The following CTNNBL1 variants were observed in gnomAD, a reference collection of about 807,000 sequenced individuals.
CTNNBL1 encodes beta-catenin-like protein 1.
Under a neutral mutation model 72.7 loss-of-function variants are expected in CTNNBL1, and 31 were observed. The ratio of observed to expected loss-of-function variants is 0.43; its 90% CI spans 0.32 to 0.58. The LOEUF is 0.58. Among genes scored for constraint, CTNNBL1 ranks in the 20% least tolerant of loss-of-function variants. The probability of loss-of-function intolerance (pLI) is 0.08; values close to 1 mark genes in which losing one functional copy is unlikely to be tolerated. For missense variants in CTNNBL1, 534 were observed against 725.1 expected (o/e 0.74, Z 3.03); for synonymous variants, 240 against 267.3 (o/e 0.90, Z 1.00).
chr20:37,725,357 C>T (rs1362090925), intron 1 of CTNNBL1, among the ~76,000 whole-genome samples: 3 of 151,364 alleles, frequency 2.0e-5, no homozygotes, highest in Non-Finnish European at 4.4e-5. Flanking sequence ...AGTGCAATGG[C>T]GCAATCTCAG....
chr20:37,712,210 G>A (rs2072944407), intron 1 of CTNNBL1, among the ~76,000 whole-genome samples: 1 of 152,196 alleles, frequency 6.6e-6, no homozygotes, highest in African/African-American at 2.4e-5. Context: ...CGCTCTCCTT[G>A]TGCCAGGCTT....
chr20:37,755,773 T>C (rs1302704581), intron 4 of CTNNBL1, among the ~76,000 whole-genome samples: 1 of 152,190 alleles, frequency 6.6e-6, no homozygotes, highest in African/African-American at 2.4e-5. Flanking sequence ...ATCTTCTGGA[T>C]TCTGTTGTAT....
chr20:37,788,837 T>C (rs537290763), intron 10 of CTNNBL1, among the ~76,000 whole-genome samples: 1 of 152,370 alleles, frequency 6.6e-6, no homozygotes, highest in South Asian at 2.1e-4. Context: ...TGTGAAGCAC[T>C]ATTACCTACT....
intron 11 of CTNNBL1, among the ~76,000 whole-genome samples, chr20:37,830,929 A>G (rs941182996): frequency 3.3e-4 from 51 of 152,332 alleles, no homozygotes; most frequent in African/African-American, 1.2e-3. Context: ...TGCATATTGC[A>G]TTTGCACCAT....
intron 11 of CTNNBL1, among the ~76,000 whole-genome samples, chr20:37,838,780 A>C (rs2072276513): frequency 6.6e-6 from 1 of 152,156 alleles, no homozygotes; most frequent in Non-Finnish European, 1.5e-5. Context: ...CCAGCTACTC[A>C]GGAGGCTGAG....
intron 11 of CTNNBL1, among the ~76,000 whole-genome samples, chr20:37,807,788 G>C (rs191085591): frequency 1.6e-3 from 251 of 152,290 alleles, no homozygotes; most frequent in Non-Finnish European, 2.9e-3. Context: ...GGAAAGAAAT[G>C]ATTTGCCCTT....
At chr20:37,771,697 A>C (rs1260307568) in intron 7 of CTNNBL1, among the ~76,000 whole-genome samples, 2 of 151,964 alleles carry the variant, frequency 1.3e-5, no homozygotes, top group African/African-American at 4.8e-5. Context: ...CGTATTTCTA[A>C]ATTTTACACA....
rs777949416 is a variant in CTNNBL1 at position 37,842,419 on chromosome 20, C to T, written c.1392C>T (p.His464=). The change falls in exon 13 of 16, where the codon CAC becomes CAT. Residue 464 remains histidine, a splice_region_variant and synonymous_variant. Transcript: ENST00000361383. ...VADKKIEGEK[H]DMVRRGEIID... Reference sequence around the variant, plus strand: ...ACAAGAAGATTGAAGGGGAAAAACACGTATGTATCCCTGCCTCACTTTTGC... The same window carrying T: ...ACAAGAAGATTGAAGGGGAAAAACATGTATGTATCCCTGCCTCACTTTTGC... 23 of 1,609,952 alleles carry T rather than the reference C, an allele frequency of 1.4e-5. No individual in the cohort carries two copies. The East Asian group carries it at 2.0e-4, about 14-fold the overall frequency.
chr20:37,783,693 G>GT (rs1267935148), intron 10 of CTNNBL1, among the ~76,000 whole-genome samples: 7 of 152,004 alleles, frequency 4.6e-5, no homozygotes, highest in African/African-American at 1.7e-4. Context: ...TTGATTTCTA[G>GT]TTTTTTTCCA....
At chr20:37,779,737 C>T (rs760939744) in intron 10 of CTNNBL1, among the ~76,000 whole-genome samples, 7 of 152,048 alleles carry the variant, frequency 4.6e-5, no homozygotes, top group South Asian at 4.2e-4. Context: ...TTGAAAGCAG[C>T]GTATCATTCA....
At chr20:37,818,468 G>A (rs932138234) in intron 11 of CTNNBL1, among the ~76,000 whole-genome samples, 3 of 152,208 alleles carry the variant, frequency 2.0e-5, no homozygotes, top group African/African-American at 7.2e-5. Flanking sequence ...CACAGAGAAT[G>A]TGTTGGGACT....
chr20:37,818,086 GTC>G (rs1034575383), intron 11 of CTNNBL1, among the ~76,000 whole-genome samples: 1 of 152,218 alleles, frequency 6.6e-6, no homozygotes, highest in Non-Finnish European at 1.5e-5. Flanking sequence ...CATTTAGGAA[GTC>G]TCTGTGCAAA....
intron 7 of CTNNBL1, among the ~76,000 whole-genome samples, chr20:37,775,632 G>A (rs1045121797): frequency 2.6e-5 from 4 of 152,122 alleles, no homozygotes; most frequent in African/African-American, 4.8e-5. Context: ...TTCAGTGTAA[G>A]GTTTTTAAAT....
chr20:37,835,932 G>C (rs1301250329), intron 11 of CTNNBL1, among the ~76,000 whole-genome samples: 2 of 152,204 alleles, frequency 1.3e-5, no homozygotes, highest in African/African-American at 4.8e-5. Context: ...GTACCTTGTA[G>C]TTTTTCTTGG....
chr20:37,856,539 C>T (rs2072442839), intron 13 of CTNNBL1, among the ~76,000 whole-genome samples: 2 of 152,084 alleles, frequency 1.3e-5, no homozygotes, highest in African/African-American at 4.8e-5. Flanking sequence ...GAAGGGAACA[C>T]AGGCCTGTCT....
intron 1 of CTNNBL1, among the ~76,000 whole-genome samples, chr20:37,712,809 T>G (rs2122561536): frequency 6.6e-6 from 1 of 152,306 alleles, no homozygotes; most frequent in African/African-American, 2.4e-5. Context: ...ATAACACAAA[T>G]TAGCAAAGAT....
At chr20:37,806,345 C>T (rs545167305) in intron 11 of CTNNBL1, among the ~76,000 whole-genome samples, 54 of 152,280 alleles carry the variant, frequency 3.5e-4, no homozygotes, top group African/African-American at 1.3e-3. Flanking sequence ...GAAGCTTCAG[C>T]GCTTGTCACT....
intron 11 of CTNNBL1, among the ~76,000 whole-genome samples, chr20:37,816,824 A>G (rs898506924): frequency 6.6e-6 from 1 of 151,540 alleles, no homozygotes; most frequent in Non-Finnish European, 1.5e-5. Context: ...TCTTAAATGT[A>G]TTGATTACTA....
rs142886190 is a variant in CTNNBL1, at chr20:37,790,180, C to T, written c.1031+10845C>T. ...AAGTTTTCGCAGGCCCAATTCTGGA[C>T]TGTGAGCTTGTGGCAAAGCATATAG... On this transcript the variant is annotated intron_variant, in intron 10 of 15. Transcript: ENST00000361383. Among the ~76,000 whole-genome samples the T allele has an allele frequency of 6.6e-5, 10 of 152,314 alleles. No homozygotes were observed. The East Asian group carries it at 1.9e-3, about 29-fold the overall frequency.
Sources: allele counts gnomAD v4.1 joint callset (sites outside exome capture counted in the v4.1 genomes callset), GRCh38; gene constraint gnomAD v4.1.1; transcripts MANE v1.5; gene names NCBI Gene and HGNC (gene_info 2026-07-23, HGNC 2026-07-21).